The following USP6 variants were observed in gnomAD, a reference collection of about 807,000 sequenced individuals.
USP6 encodes the protein ubiquitin carboxyl-terminal hydrolase 6.
A neutral mutation model predicts 175.7 loss-of-function variants in USP6; 128 were observed. The observed-to-expected ratio is 0.73, with a 90% CI of 0.63 to 0.84. USP6 has a LOEUF of 0.84. USP6 is among the 40% of genes least tolerant of loss of function. USP6 has a pLI of 0.00. For missense variants in USP6, 1,498 were observed against 1,760.3 expected, an observed-to-expected ratio of 0.85 and a Z score of 2.67; for synonymous variants, 562 against 630.6, an observed-to-expected ratio of 0.89 and a Z score of 1.63.
At chr17:5,128,710 G>C (rs1385008835) in intron 7 of USP6, 1 of 152,654 alleles carries the variant, frequency 6.6e-6, no homozygotes, top group Non-Finnish European at 1.5e-5. Flanking sequence ...GGAGGACCCT[G>C]ACTCTGGGCC....
In USP6 at chr17:5,155,415, C is replaced by T; in HGVS notation, c.2644-7C>T. On this transcript the variant is annotated splice_polypyrimidine_tract_variant and splice_region_variant and intron_variant, in intron 30 of 37. Transcript: ENST00000574788. ...TCTCAACTCTCTATTCTCGTTTGTA[C>T]ATACAGATGAGGACAGAACTGTATT... 2 of 1,612,708 alleles carry T rather than the reference C, an allele frequency of 1.2e-6. No individual in the cohort carries two copies. Among genetic ancestry groups the T allele is most frequent in the African/African-American group, 1.3e-5 (1 of 74,976 alleles).
intron 1 of USP6, among the ~76,000 whole-genome samples, chr17:5,117,612 C>T (rs1183064855): frequency 6.6e-6 from 1 of 151,842 alleles, no homozygotes; most frequent in African/African-American, 2.4e-5. Flanking sequence ...CTTTGGACTT[C>T]AGGCTGAAGT....
chr17:5,126,263 G>T (rs1283165870), intron 6 of USP6, among the ~76,000 whole-genome samples: 1 of 152,168 alleles, frequency 6.6e-6, no homozygotes, highest in Non-Finnish European at 1.5e-5. Flanking sequence ...CAAGTTTCCT[G>T]GGGAGCCTAG....
rs567949578 is a variant in USP6, at chr17:5,170,106, A to AG, written c.3518-372dup. Among the ~76,000 whole-genome samples the AG allele has an allele frequency of 4.2e-3, 645 of 152,182 alleles. 4 individuals carry two copies. Among genetic ancestry groups the AG allele is most frequent in the African/African-American group, 0.015 (601 of 41,410 alleles). On this transcript the variant is annotated intron_variant, in intron 35 of 37. Coordinates refer to ENST00000574788, the MANE Select transcript of USP6 (RefSeq NM_001304284.2). ...CCATGCCTAACAATAGGAAGTACTC[A>AG]GTAAATGGTGGTCACATTTTTTGTC...
chr17:5,171,686 A>G lies in USP6; in HGVS notation c.4047+7A>G. ...TAATGACAGCAGCTGTGAGGTAAACATTCTCAATCTTTGAATGAAAGTTAG... is the reference window on the plus strand; with the variant it reads ...TAATGACAGCAGCTGTGAGGTAAACGTTCTCAATCTTTGAATGAAAGTTAG... On this transcript the variant is annotated splice_region_variant and intron_variant, in intron 37 of 37. Transcript: ENST00000574788. 6.2e-7 allele frequency: 1 copy of G among 1,612,720 alleles called. No homozygotes were observed. The highest frequency in any genetic ancestry group is 8.5e-7 in the Non-Finnish European group (1 of 1,179,262).
chr17:5,121,227 C>G lies in USP6; in HGVS notation c.-1674-148C>G, dbSNP rs557331080. On this transcript the variant is annotated intron_variant, in intron 3 of 37. Coordinates refer to ENST00000574788, the MANE Select transcript of USP6 (RefSeq NM_001304284.2). ...AGAGCAGGCTGAATTCCTCCAAGGT[C>G]CAACGTGGGTGCAGAGGGTCTTTGT... is the stretch of plus-strand genomic sequence containing the variant. 73 of 393,034 alleles carry G rather than the reference C, an allele frequency of 1.9e-4. No individual in the cohort carries two copies. The Admixed American group carries it at 1.9e-3, about 10-fold the overall frequency. The allele number at this position is 393,034 out of a possible 1,614,324, so 24.3% of individuals were successfully genotyped here. A position where few individuals can be genotyped will look rare whatever the true frequency, so the allele number is the denominator to read the frequency against.
intron 23 of USP6, among the ~76,000 whole-genome samples, chr17:5,141,707 A>T (rs1327960224): frequency 6.6e-6 from 1 of 152,188 alleles, no homozygotes; most frequent in African/African-American, 2.4e-5. Context: ...CAATTTAATA[A>T]TTTATATGTT....
At chr17:5,163,031 G>A (rs764636315) in intron 33 of USP6, 27 bp downstream of exon 33, 35 of 1,514,096 alleles carry the variant, frequency 2.3e-5, no homozygotes, top group Non-Finnish European at 3.0e-5. Flanking sequence ...ACCGTAAAAT[G>A]GTGGTTTTTA....
At chr17:5,140,142 C>T (rs1305024727) in intron 22 of USP6, among the ~76,000 whole-genome samples, 2 of 151,926 alleles carry the variant, frequency 1.3e-5, no homozygotes, top group Non-Finnish European at 2.9e-5. Flanking sequence ...ACCACCTTCA[C>T]GTTTTGAAAT....
chr17:5,139,041 A>C (rs1255093824), intron 21 of USP6: 1 of 1,578,106 alleles, frequency 6.3e-7, no homozygotes, highest in South Asian at 1.1e-5. Flanking sequence ...GGGCAGTCCC[A>C]GGAGCCACCC....
intron 11 of USP6, 101 bp downstream of exon 11, chr17:5,130,785 C>G (rs1335523699): frequency 7.0e-7 from 1 of 1,432,662 alleles, no homozygotes; most frequent in Non-Finnish European, 9.7e-7. Flanking sequence ...ACATGTCTCG[C>G]TAGGTCGGGC....
Position 5,144,839 on chromosome 17 carries a change from A to G in USP6, c.1968A>G (p.Arg656=). 3 of 1,605,646 alleles carry G rather than the reference A, an allele frequency of 1.9e-6. No individual in the cohort carries two copies. The highest frequency in any genetic ancestry group is 2.6e-6 in the Non-Finnish European group (3 of 1,173,336). Residue 656 remains arginine (R), a synonymous_variant, in exon 26 of 38, where the codon CGA becomes CGG. Transcript: ENST00000574788. ...TGGAACTGAAGGACAGTGATGGCCG[A>G]CCAGACTGGGAAGTAGCTGCAGAGG... ...PYVELKDSDG[R]PDWEVAAEAW...
At position 5,133,987 on chromosome 17, in the gene USP6, A is replaced by G. The variant is rs2073169838; in HGVS notation, c.485A>G (p.Tyr162Cys). The stretch of plus-strand genomic sequence containing the variant: ...AACCATGTCTTCTTTAGGGATCGAT[A>G]TGGAGCCAAGTAAGCCTACGGGAGC... Reference protein sequence around the residue: ...LRNHVFFRDRYGAKQRELFYI... With the variant: ...LRNHVFFRDRCGAKQRELFYI... The change falls in exon 15 of 38, where the codon TAT becomes TGT. Residue 162 changes from tyrosine (Y) to cysteine (C), a missense_variant. Tyr to Cys is a radical substitution (Grantham distance 194, BLOSUM62 -2). This residue lies in a region of USP6 where 281 missense variants were observed against 259.6 expected (regional missense o/e 1.08). Coordinates refer to ENST00000574788, the MANE Select transcript of USP6 (RefSeq NM_001304284.2). 2 of 1,614,052 alleles carry G rather than the reference A, an allele frequency of 1.2e-6. No homozygotes were observed. Among genetic ancestry groups the G allele is most frequent in the Non-Finnish European group, 1.7e-6 (2 of 1,179,960 alleles).
intron 27 of USP6, 45 bp from the exon 28 acceptor site, chr17:5,145,978 A>G (rs763899107): frequency 1.2e-5 from 18 of 1,532,548 alleles, no homozygotes; most frequent in South Asian, 5.3e-5. Flanking sequence ...AAGGCTTTCA[A>G]TGAAACCTGC....
chr17:5,146,274 A>C, intron 28 of USP6, 100 bp downstream of exon 28: 3 of 1,392,746 alleles, frequency 2.2e-6, no homozygotes. Context: ...ACCAAGAGAG[A>C]TACTAAAACA....
chr17:5,122,189 A>G (rs1371594163), intron 4 of USP6, among the ~76,000 whole-genome samples: 1 of 151,942 alleles, frequency 6.6e-6, no homozygotes, highest in Non-Finnish European at 1.5e-5. Flanking sequence ...AAGAGAGGTT[A>G]TAGCTCAAAA....
intron 16 of USP6, 41 bp downstream of exon 16, chr17:5,135,323 A>G (rs368181377): frequency 3.4e-5 from 55 of 1,607,706 alleles, no homozygotes; most frequent in Non-Finnish European, 4.5e-5. Context: ...CTGTATTTCC[A>G]TATTCACAGG....
Position 5,129,931 on chromosome 17 carries a change from C to T in USP6, c.-155-5C>T, listed in dbSNP as rs547139301. ...AGCAGTCAGGAGAGATCTTGTTCCC[C>T]GTAGGAAACTGGGCATCTCTGTGGC... On this transcript the variant is annotated splice_polypyrimidine_tract_variant and splice_region_variant and intron_variant, in intron 8 of 37. Coordinates refer to ENST00000574788, the MANE Select transcript of USP6 (RefSeq NM_001304284.2). The T allele has an allele frequency of 7.2e-5, 16 of 221,952 alleles. No homozygotes were observed. The highest frequency in any genetic ancestry group is 3.9e-4 in the South Asian group (5 of 12,682). The allele number at this position is 221,952 out of a possible 1,614,324, so 13.7% of individuals were successfully genotyped here.
chr17:5,136,879 C>CT, intron 18 of USP6, 145 bp downstream of exon 18: 1 of 1,379,380 alleles, frequency 7.2e-7, no homozygotes, highest in Non-Finnish European at 1.0e-6. Context: ...TCTCCATGGG[C>CT]TGGGAGTTGG....
Sources: gnomAD v4.1 joint callset for allele counts (sites outside exome capture counted in the v4.1 genomes callset) on GRCh38, gnomAD v4.1.1 for gene constraint, gnomAD v4.1.1 regional missense constraint, MANE v1.5 for transcripts, NCBI Gene and HGNC (gene_info 2026-07-23, HGNC 2026-07-21) for gene names.